Variants in PCDHA3 observed in about 807,000 individuals in gnomAD.
PCDHA3 encodes the protein protocadherin alpha 3, also known as protocadherin alpha-3.
Under a neutral mutation model 62.2 loss-of-function variants are expected in PCDHA3, and 41 were observed. That is an observed-to-expected ratio of 0.66 (90% CI 0.51 to 0.86). PCDHA3 has a LOEUF of 0.86. PCDHA3 is among the 40% of genes least tolerant of loss of function. The pLI, the probability that PCDHA3 is intolerant of heterozygous loss-of-function variation, is 0.00. For missense variants in PCDHA3, 1,304 were observed against 1,241.2 expected (o/e 1.05, Z -0.76); for synonymous variants, 640 against 555.4 (o/e 1.15, Z -2.14).
At chr5:140,835,694 C>T (rs1554135195) in intron 1 of PCDHA3, 1 of 1,613,768 alleles carries the variant, frequency 6.2e-7, no homozygotes, top group African/African-American at 1.3e-5. Flanking sequence ...CTCTGTGGGC[C>T]ACTGCTAGCG....
At chr5:140,843,143 T>A in intron 1 of PCDHA3, 1 of 1,595,956 alleles carries the variant, frequency 6.3e-7, no homozygotes, top group Non-Finnish European at 8.6e-7. Context: ...CGCGTGGCTT[T>A]CGTATGAGCT....
chr5:140,812,885 GA>G (rs1466050277), intron 1 of PCDHA3: 1 of 152,092 alleles, frequency 6.6e-6, no homozygotes, highest in African/African-American at 2.4e-5. Context: ...TCATTCAAAT[GA>G]AATTTTGAAC....
intron 1 of PCDHA3, among the ~76,000 whole-genome samples, chr5:140,899,542 G>A (rs2067394532): frequency 6.6e-6 from 1 of 152,156 alleles, no homozygotes; most frequent in Non-Finnish European, 1.5e-5. Flanking sequence ...ACTTGATCAT[G>A]GTGGATAAGC....
intron 1 of PCDHA3, among the ~76,000 whole-genome samples, chr5:140,941,077 G>C (rs2092726978): frequency 6.6e-6 from 1 of 152,068 alleles, no homozygotes; most frequent in South Asian, 2.1e-4. Context: ...CTGGAGAGTA[G>C]GTGGGTTTAG....
chr5:140,968,209 C>G (rs781795931), intron 1 of PCDHA3: 5 of 1,614,002 alleles, frequency 3.1e-6, no homozygotes, highest in Non-Finnish European at 4.2e-6. Context: ...TACAGGAGAA[C>G]AATTTGCCAG....
chr5:140,841,816 C>G (rs2150323334), intron 1 of PCDHA3: 1 of 1,613,928 alleles, frequency 6.2e-7, no homozygotes, highest in East Asian at 2.2e-5. Flanking sequence ...TTGGAGCTAA[C>G]TCCGTGTTAA....
At chr5:140,886,651 C>T (rs1427441330) in intron 1 of PCDHA3, among the ~76,000 whole-genome samples, 4 of 151,902 alleles carry the variant, frequency 2.6e-5, no homozygotes, top group Non-Finnish European at 4.4e-5. Context: ...CATGGTGAAA[C>T]CCTGTCTCTA....
At chr5:140,828,699 A>C (rs2150158011) in intron 1 of PCDHA3, 16 of 1,614,132 alleles carry the variant, frequency 9.9e-6, no homozygotes, top group Non-Finnish European at 1.4e-5. Flanking sequence ...TTGGACAGAG[A>C]GGAAGCTCCT....
At chr5:140,834,317 G>A in intron 1 of PCDHA3, 4 of 1,393,006 alleles carry the variant, frequency 2.9e-6, no homozygotes, top group South Asian at 1.4e-5. Context: ...GAAATGAAGG[G>A]ATAAAAACAT....
At chr5:140,871,246 C>T (rs782203109) in intron 1 of PCDHA3, 2 of 1,613,982 alleles carry the variant, frequency 1.2e-6, no homozygotes, top group Non-Finnish European at 1.7e-6. Context: ...ACTCACGCTG[C>T]TGCTGTATAC....
chr5:140,863,186 TG>T, intron 1 of PCDHA3: 1 of 771,164 alleles, frequency 1.3e-6, no homozygotes, highest in Non-Finnish European at 2.2e-6. Flanking sequence ...ACCGTCACCG[TG>T]GTGGCGTCGC....
At chr5:140,945,664 C>T (rs1342424562) in intron 1 of PCDHA3, among the ~76,000 whole-genome samples, 1 of 152,048 alleles carries the variant, frequency 6.6e-6, no homozygotes, top group Admixed American at 6.5e-5. Context: ...ATACAGCTCC[C>T]AGAAATAAAT....
chr5:140,884,504 GGGAGTT>G, intron 1 of PCDHA3: 1 of 1,614,180 alleles, frequency 6.2e-7, no homozygotes, highest in Non-Finnish European at 8.5e-7. Context: ...CAGCGCGGCA[GGGAGTT>G]GGTCGTACTC....
chr5:140,891,742 A>T (rs2063228656), intron 1 of PCDHA3, among the ~76,000 whole-genome samples: 1 of 152,150 alleles, frequency 6.6e-6, no homozygotes, highest in African/African-American at 2.4e-5. Context: ...TCAATCCCTT[A>T]TACAACAGTG....
Position 140,848,482 on chromosome 5 carries a change from A to G in PCDHA3, c.2394+44891A>G, listed in dbSNP as rs1562444784. ...GGCAATTTTCACTAATTAGAAGAAG[A>G]CTGAGTATTTGAAATGTTATACTCA... On this transcript the variant is annotated intron_variant, in intron 1 of 3. Transcript: ENST00000522353. 3 of 1,569,886 alleles carry G rather than the reference A, an allele frequency of 1.9e-6. 1 individual carries two copies. In the African/African-American group the frequency reaches 4.1e-5, roughly 21 times the overall value.
At chr5:140,954,807 T>TGAAAATGCTTTAGGCACTTTTGTC (rs2095090008) in intron 1 of PCDHA3, among the ~76,000 whole-genome samples, 1 of 152,248 alleles carries the variant, frequency 6.6e-6, no homozygotes, top group Admixed American at 6.5e-5. Flanking sequence ...TTGCTTTTGT[T>TGAAAATGCTTTAGGCACTTTTGTC]GAAATTGCTT....
chr5:140,869,511 A>T (rs1160788033), intron 1 of PCDHA3: 4 of 1,614,076 alleles, frequency 2.5e-6, no homozygotes, highest in Non-Finnish European at 2.5e-6. Context: ...TCTCGCTCAG[A>T]GAACAAAAGC....
chr5:140,906,010 C>T (rs1465949058), intron 1 of PCDHA3, among the ~76,000 whole-genome samples: 1 of 152,210 alleles, frequency 6.6e-6, no homozygotes, highest in Admixed American at 6.5e-5. Flanking sequence ...CTAAGCCAGT[C>T]TAATCTCTCC....
At chr5:140,951,326 T>C (rs2094571744) in intron 1 of PCDHA3, among the ~76,000 whole-genome samples, 1 of 152,158 alleles carries the variant, frequency 6.6e-6, no homozygotes, top group Admixed American at 6.5e-5. Context: ...TTGAGATTCA[T>C]CATTCTGTTT....
Sources: allele counts gnomAD v4.1 joint callset (sites outside exome capture counted in the v4.1 genomes callset), GRCh38; gene constraint gnomAD v4.1.1; transcripts MANE v1.5; gene names NCBI Gene and HGNC (gene_info 2026-07-23, HGNC 2026-07-21).